Variants in KDM4B observed in about 807,000 individuals in gnomAD.
KDM4B encodes lysine-specific demethylase 4B.
A neutral mutation model predicts 125.2 loss-of-function variants in KDM4B; 32 were observed. The observed-to-expected ratio is 0.26, with a 90% CI of 0.19 to 0.34. The LOEUF is 0.34. KDM4B is among the 10% of genes least tolerant of loss of function. The pLI, the probability that KDM4B is intolerant of heterozygous loss-of-function variation, is 1.00. For synonymous variants in KDM4B, 721 were observed against 677.9 expected (o/e 1.06, Z -0.99); for missense variants, 1,190 against 1,577.7 (o/e 0.75, Z 4.16).
At chr19:5,043,363 G>A (rs902372809) in intron 5 of KDM4B, among the ~76,000 whole-genome samples, 1 of 149,788 alleles carries the variant, frequency 6.7e-6, no homozygotes, top group Non-Finnish European at 1.5e-5. Flanking sequence ...GAGTGGGGGT[G>A]TCCACCTTAT....
At chr19:5,111,395 C>T (rs1365690701) in intron 10 of KDM4B, 6 of 765,182 alleles carry the variant, frequency 7.8e-6, no homozygotes, top group East Asian at 7.3e-5. Context: ...TGCGTATCGC[C>T]GCACAGACCC....
At chr19:5,128,385 G>A (rs1222845462) in intron 11 of KDM4B, among the ~76,000 whole-genome samples, 2 of 152,184 alleles carry the variant, frequency 1.3e-5, no homozygotes, top group Non-Finnish European at 2.9e-5. Flanking sequence ...TCCCACGCCA[G>A]CCCCTGCCCT....
intron 1 of KDM4B, among the ~76,000 whole-genome samples, chr19:4,989,601 A>G (rs1173911470): frequency 6.7e-6 from 1 of 150,112 alleles, no homozygotes; most frequent in Non-Finnish European, 1.5e-5. Context: ...TCAGCCTCCC[A>G]AAGTGCTCGG....
intron 2 of KDM4B, among the ~76,000 whole-genome samples, chr19:5,029,883 G>A (rs72990149): frequency 0.095 from 14,538 of 152,284 alleles, 935 homozygotes; most frequent in Admixed American, 0.15. Context: ...GCGGTGGTGG[G>A]TGAAGTGCCT....
intron 9 of KDM4B, among the ~76,000 whole-genome samples, chr19:5,085,784 C>CA (rs1555709985): frequency 2.0e-5 from 3 of 152,232 alleles, no homozygotes; most frequent in Non-Finnish European, 4.4e-5. Flanking sequence ...CTGTGGCCGT[C>CA]GGGGGGGTCG....
chr19:5,139,745 C>T (rs929553669), intron 18 of KDM4B, among the ~76,000 whole-genome samples: 7 of 152,222 alleles, frequency 4.6e-5, no homozygotes, highest in Non-Finnish European at 1.0e-4. Flanking sequence ...TCTGCTCCTT[C>T]GCCCATTCCG....
chr19:5,131,900 T>G lies in KDM4B; in HGVS notation c.1799T>G (p.Phe600Cys). ...RAGEGQAPST[F>C]SKLKMEIKKS... Reference sequence around the variant, plus strand: ...TGTGTGTTTCAGGCACCGTCCACATTTTCCAAATTGAAGATGGAGATCAAG... The same window carrying G: ...TGTGTGTTTCAGGCACCGTCCACATGTTCCAAATTGAAGATGGAGATCAAG... Residue 600 changes from phenylalanine (F) to cysteine (C), a missense_variant, in exon 13 of 23, where the codon TTT (phenylalanine) becomes TGT (cysteine). By Grantham distance (205) the Phe-to-Cys change is radical. Transcript: ENST00000159111. 1 of 1,612,780 alleles carries G rather than the reference T, an allele frequency of 6.2e-7. No individual in the cohort carries two copies. Among genetic ancestry groups the G allele is most frequent in the Non-Finnish European group, 8.5e-7 (1 of 1,179,850 alleles).
At chr19:5,010,848 A>G (rs1033582899) in intron 1 of KDM4B, among the ~76,000 whole-genome samples, 1 of 152,050 alleles carries the variant, frequency 6.6e-6, no homozygotes, top group African/African-American at 2.4e-5. Context: ...GGGTTTCACC[A>G]TGTTGCACAG....
chr19:5,102,486 G>A (rs2038955832), intron 9 of KDM4B, among the ~76,000 whole-genome samples: 1 of 152,176 alleles, frequency 6.6e-6, no homozygotes, highest in African/African-American at 2.4e-5. Flanking sequence ...GCCAGAGCCT[G>A]GGGGAGGGTG....
chr19:5,087,705 C>T (rs540960252), intron 9 of KDM4B, among the ~76,000 whole-genome samples: 1 of 152,324 alleles, frequency 6.6e-6, no homozygotes, highest in African/African-American at 2.4e-5. Context: ...CATCTCTGTG[C>T]CACTTTTTCC....
chr19:5,031,820 G>A (rs1049044677), intron 2 of KDM4B, among the ~76,000 whole-genome samples: 1 of 152,218 alleles, frequency 6.6e-6, no homozygotes, highest in African/African-American at 2.4e-5. Flanking sequence ...AGGAGCGGGT[G>A]GCTGCACCTT....
At chr19:5,056,876 G>A (rs1295579994) in intron 6 of KDM4B, among the ~76,000 whole-genome samples, 2 of 150,258 alleles carry the variant, frequency 1.3e-5, no homozygotes, top group African/African-American at 2.4e-5. Flanking sequence ...GTCCTGGGGC[G>A]GGGACGCTGG....
intron 6 of KDM4B, among the ~76,000 whole-genome samples, chr19:5,065,031 G>A (rs2037724088): frequency 6.6e-6 from 1 of 152,216 alleles, no homozygotes; most frequent in Admixed American, 6.5e-5. Context: ...GGTCAGGTGC[G>A]GTGTGCTTTG....
intron 3 of KDM4B, among the ~76,000 whole-genome samples, chr19:5,034,821 A>G (rs538279002): frequency 1.3e-5 from 2 of 152,216 alleles, no homozygotes; most frequent in African/African-American, 4.8e-5. Context: ...TCCAAGATGG[A>G]TGTTTTTTCT....
chr19:5,120,000 G>C (rs1185492743), intron 11 of KDM4B, 148 bp downstream of exon 11: 3 of 1,063,154 alleles, frequency 2.8e-6, no homozygotes, highest in Non-Finnish European at 4.0e-6. Context: ...GGCATTTCGT[G>C]AAAATAGACA....
chr19:5,044,775 C>T (rs1427176369), intron 5 of KDM4B, among the ~76,000 whole-genome samples: 2 of 152,098 alleles, frequency 1.3e-5, no homozygotes, highest in Non-Finnish European at 2.9e-5. Flanking sequence ...CTCTCCTGCG[C>T]CCCAGGCAAC....
chr19:5,148,591 G>A (rs2039892006), intron 21 of KDM4B, among the ~76,000 whole-genome samples: 1 of 152,192 alleles, frequency 6.6e-6, no homozygotes. Flanking sequence ...GCTGGGGAAA[G>A]GCAGCAGGTG....
chr19:5,086,824 G>T (rs1203426738), intron 9 of KDM4B, among the ~76,000 whole-genome samples: 2 of 152,270 alleles, frequency 1.3e-5, no homozygotes, highest in African/African-American at 4.8e-5. Context: ...CCACCTGCCT[G>T]CGGAGCATCC....
intron 8 of KDM4B, chr19:5,077,693 C>G (rs571851560): frequency 3.8e-6 from 2 of 532,110 alleles, no homozygotes; most frequent in Non-Finnish European, 6.7e-6. Flanking sequence ...TGTTAACCTC[C>G]CCTCCCAAAC....
Sources: allele counts gnomAD v4.1 joint callset (sites outside exome capture counted in the v4.1 genomes callset), GRCh38; gene constraint gnomAD v4.1.1; transcripts MANE v1.5; gene names NCBI Gene and HGNC (gene_info 2026-07-23, HGNC 2026-07-21).